Variants in PTPRN2 observed in about 807,000 individuals in gnomAD.
PTPRN2 encodes protein tyrosine phosphatase receptor type N2, also known as receptor-type tyrosine-protein phosphatase N2.
A neutral mutation model predicts 118.8 loss-of-function variants in PTPRN2; 74 were observed. The ratio of observed to expected loss-of-function variants is 0.62; its 90% CI spans 0.52 to 0.76. The LOEUF is 0.76. Among genes scored for constraint, PTPRN2 ranks in the 30% least tolerant of loss-of-function variants. The pLI is 0.00. For synonymous variants in PTPRN2, 641 were observed against 608.0 expected, an observed-to-expected ratio of 1.05 and a Z score of -0.80; for missense variants, 1,481 against 1,394.4, an observed-to-expected ratio of 1.06 and a Z score of -0.99.
At chr7:158,460,468 C>T (rs1818901943) in intron 2 of PTPRN2, among the ~76,000 whole-genome samples, 1 of 151,144 alleles carries the variant, frequency 6.6e-6, no homozygotes. Flanking sequence ...GGTCTGTGTG[C>T]CAAGACCACA....
chr7:158,395,708 G>GGTGAGGC lies in PTPRN2; in HGVS notation c.164-78777_164-78776insGCCTCAC, dbSNP rs1812392787. ...GAGGCGCGAGGGGCGAGGGGCGAGG[G>GGTGAGGC]GCGAGGGGCGAGGCGCGAGGGGAGA... is the stretch of plus-strand genomic sequence containing the variant. On this transcript the variant is annotated intron_variant, in intron 2 of 22. Coordinates refer to ENST00000389418, the MANE Select transcript of PTPRN2 (RefSeq NM_002847.5). 6.0e-5 allele frequency among the ~76,000 whole-genome samples: 4 copies of GGTGAGGC among 66,818 alleles called. 1 individual carries two copies. The South Asian group carries it at 1.9e-3, about 32-fold the overall frequency. 43.8% of individuals were successfully genotyped at this position (66,818 alleles called of 152,430 possible).
intron 11 of PTPRN2, among the ~76,000 whole-genome samples, chr7:157,970,022 T>A (rs1404186327): frequency 1.3e-5 from 2 of 151,332 alleles, no homozygotes; most frequent in Admixed American, 6.6e-5. Context: ...AGGAAAAACA[T>A]CACTGGGCTG....
Position 157,764,303 on chromosome 7 carries a change from C to G in PTPRN2, c.1789-81366G>C, listed in dbSNP as rs1802320910. ...CCCATGTTCATAGCAGCAGCGCTCA[C>G]AGAAGCCAAGAGGTGAGGCCACCCA... On this transcript the variant is annotated intron_variant, in intron 12 of 22. Coordinates refer to ENST00000389418, the MANE Select transcript of PTPRN2 (RefSeq NM_002847.5). The surrounding 1 kb of genome is among the most constrained non-coding windows in gnomAD (Gnocchi z 4.5). 6.6e-6 allele frequency among the ~76,000 whole-genome samples: 1 copy of G among 152,214 alleles called. No individual in the cohort carries two copies. The highest frequency in any genetic ancestry group is 1.5e-5 in the Non-Finnish European group (1 of 68,046).
At chr7:158,401,122 G>A (rs1431683581) in intron 2 of PTPRN2, among the ~76,000 whole-genome samples, 5 of 152,138 alleles carry the variant, frequency 3.3e-5, no homozygotes, top group Admixed American at 6.5e-5. Flanking sequence ...GCCTGATGAC[G>A]GAGGCAGCAG....
At chr7:158,476,932 G>A (rs1353806534) in intron 2 of PTPRN2, among the ~76,000 whole-genome samples, 1 of 152,226 alleles carries the variant, frequency 6.6e-6, no homozygotes, top group East Asian at 1.9e-4. Flanking sequence ...GACCCAAACT[G>A]AGCTGAACTG....
At chr7:158,059,820 C>T (rs1361725183) in intron 11 of PTPRN2, among the ~76,000 whole-genome samples, 1 of 131,806 alleles carries the variant, frequency 7.6e-6, no homozygotes, top group Non-Finnish European at 1.6e-5. Context: ...ACTGCAGCCA[C>T]ACTCCATCTG....
chr7:158,013,839 T>TCCAC (rs1303667686), intron 11 of PTPRN2, among the ~76,000 whole-genome samples: 1 of 117,562 alleles, frequency 8.5e-6, no homozygotes, highest in Non-Finnish European at 1.8e-5. Context: ...CATCCATCCA[T>TCCAC]CCACCCACCC....
At chr7:157,727,520 C>T (rs1047376923) in intron 12 of PTPRN2, among the ~76,000 whole-genome samples, 16 of 151,648 alleles carry the variant, frequency 1.1e-4, no homozygotes, top group South Asian at 4.2e-4. Flanking sequence ...AGTGGGCTGC[C>T]GGGGTGGGGG....
intron 21 of PTPRN2, among the ~76,000 whole-genome samples, chr7:157,557,051 C>T (rs567695989): frequency 6.5e-4 from 98 of 151,662 alleles, no homozygotes; most frequent in African/African-American, 2.1e-3. Context: ...ACAAGATGCA[C>T]ACCCCACACT....
chr7:158,137,489 G>A (rs1818930758), intron 7 of PTPRN2, among the ~76,000 whole-genome samples: 1 of 152,050 alleles, frequency 6.6e-6, no homozygotes, highest in South Asian at 2.1e-4. Context: ...GTGACTCATG[G>A]CACCTGAACA....
rs549993494 is a variant in PTPRN2 at position 158,253,829 on chromosome 7, G to A, written c.278-48556C>T. Among the ~76,000 whole-genome samples, 4 of 152,300 alleles carry A rather than the reference G, an allele frequency of 2.6e-5. No homozygotes were observed. In the South Asian group the frequency reaches 6.2e-4, roughly 24 times the overall value. Reference sequence around the variant, plus strand: ...GAGCTGGGCAACAGATTCTCGAGCCGCTGGCATCCATATTTATCGAGCAGA... The same window carrying A: ...GAGCTGGGCAACAGATTCTCGAGCCACTGGCATCCATATTTATCGAGCAGA... On this transcript the variant is annotated intron_variant, in intron 3 of 22. Coordinates refer to ENST00000389418, the MANE Select transcript of PTPRN2 (RefSeq NM_002847.5).
At chr7:157,898,495 G>A (rs974587916) in intron 12 of PTPRN2, among the ~76,000 whole-genome samples, 178 bp downstream of exon 12, 2 of 152,166 alleles carry the variant, frequency 1.3e-5, no homozygotes, top group African/African-American at 4.8e-5. Context: ...CGCCAGGCAC[G>A]TTTCGCCACC....
rs1554498234 is a variant in PTPRN2, at chr7:157,587,255, C to CAGCG, written c.2496+7982_2496+7983insCGCT. On this transcript the variant is annotated intron_variant, in intron 17 of 22. Transcript: ENST00000389418. This position sits in a 1 kb window ranked among gnomAD's most constrained non-coding sequence, Gnocchi z 5.3. ...ACAGGCAGACAGCGAGACAGGCAGACAGACAGGCAGACAAACAGGCAGACA... is the reference window on the plus strand; with the variant it reads ...ACAGGCAGACAGCGAGACAGGCAGACAGCGAGACAGGCAGACAAACAGGCAGACA... Among the ~76,000 whole-genome samples the CAGCG allele has an allele frequency of 7.3e-6, 1 of 137,066 alleles. No homozygotes were observed. The highest frequency in any genetic ancestry group is 2.9e-5 in the African/African-American group (1 of 33,980). The allele number at this position is 137,066 out of a possible 152,430, so 89.9% of individuals were successfully genotyped here.
chr7:157,718,858 G>A (rs998865764), intron 12 of PTPRN2, among the ~76,000 whole-genome samples: 33 of 152,148 alleles, frequency 2.2e-4, no homozygotes, highest in South Asian at 4.1e-4. Context: ...GACCTCTGGG[G>A]CCCTCAGACC....
At chr7:157,749,258 G>A (rs143380208) in intron 12 of PTPRN2, among the ~76,000 whole-genome samples, 2,489 of 141,496 alleles carry the variant, frequency 0.018, 54 homozygotes, top group Non-Finnish European at 0.03. Context: ...TGAGGCGTGC[G>A]TCCCTGAGCT....
chr7:158,444,024 C>T (rs574257131), intron 2 of PTPRN2, among the ~76,000 whole-genome samples: 15 of 152,274 alleles, frequency 9.9e-5, no homozygotes, highest in African/African-American at 3.6e-4. Flanking sequence ...CTCCTCCTTT[C>T]AGGATGGCCC....
At chr7:158,277,240 G>C (rs117677008) in intron 3 of PTPRN2, among the ~76,000 whole-genome samples, 2 of 152,186 alleles carry the variant, frequency 1.3e-5, no homozygotes, top group Admixed American at 6.5e-5. Flanking sequence ...GTGAGATGAC[G>C]GCAGCCTGTG....
intron 17 of PTPRN2, among the ~76,000 whole-genome samples, chr7:157,579,913 G>A (rs1800259490): frequency 6.6e-6 from 1 of 152,200 alleles, no homozygotes; most frequent in Non-Finnish European, 1.5e-5. Flanking sequence ...TCGGTACAAA[G>A]CAACTCAATC....
intron 9 of PTPRN2, among the ~76,000 whole-genome samples, chr7:158,132,150 C>G (rs1030745341): frequency 1.3e-5 from 2 of 150,450 alleles, no homozygotes; most frequent in Admixed American, 1.3e-4. Context: ...CGTACATACA[C>G]AGATACACAT....
Sources: gnomAD v4.1 joint callset for allele counts (sites outside exome capture counted in the v4.1 genomes callset) on GRCh38, gnomAD v4.1.1 for gene constraint, Gnocchi (gnomAD v3.1) non-coding constraint, MANE v1.5 for transcripts, NCBI Gene and HGNC (gene_info 2026-07-23, HGNC 2026-07-21) for gene names.